Variants in ZNF469 observed in about 807,000 individuals in gnomAD.
The protein encoded by ZNF469 is zinc finger protein 469.
In ZNF469, 1 loss-of-function variant was observed where a neutral mutation model predicts 1.0. That is an observed-to-expected ratio of 1.00 (90% CI 0.35 to 4.73). The LOEUF (loss-of-function observed/expected upper bound fraction) is 4.73. ZNF469 is among the 30% of genes most tolerant of loss of function. The probability of loss-of-function intolerance (pLI) is 0.16; values close to 1 mark genes in which losing one functional copy is unlikely to be tolerated. For missense variants in ZNF469, 6,100 were observed against 5,356.3 expected (o/e 1.14, Z -4.33); for synonymous variants, 2,703 against 2,363.4 (o/e 1.14, Z -4.17).
At chr16:88,222,968 A>C in the ZNF469 span, among the ~76,000 whole-genome samples, 1 of 152,308 alleles carries the variant, frequency 6.6e-6, no homozygotes, top group Non-Finnish European at 1.5e-5. Flanking sequence ...ATGCTAGAGG[A>C]AGTCATCCTG....
chr16:88,351,752 G>A, the ZNF469 span, among the ~76,000 whole-genome samples: 14 of 152,164 alleles, frequency 9.2e-5, no homozygotes, highest in African/African-American at 3.1e-4. Context: ...AGGGTGCAGG[G>A]GGTTGTGCGG....
At chr16:88,204,276 G>A in the ZNF469 span, among the ~76,000 whole-genome samples, 6 of 152,322 alleles carry the variant, frequency 3.9e-5, no homozygotes, top group Admixed American at 1.3e-4. Context: ...TAGAGCAGCC[G>A]GAGGTGCCCC....
intron 1 of ZNF469, among the ~76,000 whole-genome samples, chr16:88,423,047 GGATGGATGGGTAGAT>G (rs1413647172): frequency 6.6e-6 from 1 of 151,232 alleles, no homozygotes; most frequent in South Asian, 2.1e-4. Flanking sequence ...GTAGGTGGGT[GGATGGATGGGTAGAT>G]GATGGATGGG....
the ZNF469 span, among the ~76,000 whole-genome samples, chr16:88,362,721 C>T: frequency 3.9e-5 from 6 of 152,160 alleles, no homozygotes; most frequent in African/African-American, 1.4e-4. Flanking sequence ...CTTCTTGCTT[C>T]TTGTTGACTT....
chr16:88,108,764 G>C, the ZNF469 span, among the ~76,000 whole-genome samples: 1 of 152,190 alleles, frequency 6.6e-6, no homozygotes, highest in Non-Finnish European at 1.5e-5. Context: ...GTCATCATGG[G>C]CACCAATAGC....
the ZNF469 span, among the ~76,000 whole-genome samples, chr16:88,284,610 C>CAAAAA: frequency 9.1e-6 from 1 of 109,508 alleles, no homozygotes; most frequent in Non-Finnish European, 1.8e-5. Flanking sequence ...GATCCCATCT[C>CAAAAA]AAAAAAAAAA....
intron 1 of ZNF469, among the ~76,000 whole-genome samples, chr16:88,406,450 G>A (rs778031637): frequency 5.3e-5 from 8 of 152,190 alleles, no homozygotes; most frequent in South Asian, 2.1e-4. Context: ...CCTCCCTGCC[G>A]TGCGGGCTGC....
chr16:88,241,512 GC>G, the ZNF469 span, among the ~76,000 whole-genome samples: 3 of 152,148 alleles, frequency 2.0e-5, no homozygotes, highest in Admixed American at 6.5e-5. The surrounding 1 kb of genome is among the most constrained non-coding windows in gnomAD (Gnocchi z 4.8). Context: ...TGTCACCAGG[GC>G]CCAGGCGACA....
At chr16:88,139,853 C>G in the ZNF469 span, among the ~76,000 whole-genome samples, 1 of 152,208 alleles carries the variant, frequency 6.6e-6, no homozygotes, top group African/African-American at 2.4e-5. Context: ...ATCCCTAAGA[C>G]GGAAATTCAC....
chr16:88,126,805 C>G, the ZNF469 span, among the ~76,000 whole-genome samples: 1 of 151,422 alleles, frequency 6.6e-6, no homozygotes. Flanking sequence ...AGGCATGCAC[C>G]ACCATACCCC....
chr16:88,249,726 A>G, the ZNF469 span, among the ~76,000 whole-genome samples: 11 of 151,648 alleles, frequency 7.3e-5, no homozygotes, highest in East Asian at 1.9e-4. Flanking sequence ...GTGAGCCACC[A>G]CGCCCGGCCA....
At chr16:88,279,942 G>A in the ZNF469 span, among the ~76,000 whole-genome samples, 25 of 146,450 alleles carry the variant, frequency 1.7e-4, no homozygotes, top group South Asian at 3.7e-3. Context: ...ATCAGTGCAC[G>A]GTTAGTGCTG....
the ZNF469 span, among the ~76,000 whole-genome samples, chr16:88,185,752 CCA>C: frequency 1.3e-4 from 1 of 7,532 alleles, no homozygotes; most frequent in Non-Finnish European, 3.1e-4. Flanking sequence ...ACTCGTGTGC[CCA>C]GACCCACAGA....
At chr16:88,198,866 T>C in the ZNF469 span, among the ~76,000 whole-genome samples, 1 of 152,220 alleles carries the variant, frequency 6.6e-6, no homozygotes, top group African/African-American at 2.4e-5. Flanking sequence ...GACGTGAGCC[T>C]GTGTGTGGCT....
chr16:88,390,640 G>A (rs1014975237), intron 1 of ZNF469, among the ~76,000 whole-genome samples: 4 of 152,174 alleles, frequency 2.6e-5, no homozygotes, highest in Non-Finnish European at 4.4e-5. Flanking sequence ...GCTAACATTC[G>A]GATGCCGCCG....
chr16:88,297,486 G>A, the ZNF469 span, among the ~76,000 whole-genome samples: 46 of 152,300 alleles, frequency 3.0e-4, 1 homozygote, highest in Admixed American at 2.2e-3. Flanking sequence ...GGAGGTGTCC[G>A]GCCTGCCTCA....
the ZNF469 span, among the ~76,000 whole-genome samples, chr16:88,249,960 C>T: frequency 1.3e-4 from 20 of 152,330 alleles, no homozygotes; most frequent in South Asian, 4.1e-3. Flanking sequence ...GGTTCCTTCT[C>T]GACCTCCAGG....
the ZNF469 span, among the ~76,000 whole-genome samples, chr16:88,308,926 C>T: frequency 1.3e-5 from 2 of 152,194 alleles, no homozygotes; most frequent in Non-Finnish European, 1.5e-5. Context: ...TAGCCTGACA[C>T]CCAGGCAATC....
intron 1 of ZNF469, among the ~76,000 whole-genome samples, chr16:88,420,581 A>G (rs980120992): frequency 2.3e-4 from 35 of 152,332 alleles, no homozygotes; most frequent in African/African-American, 7.9e-4. Context: ...GTGGAACGAC[A>G]GGCGCCCTTT....
Sources: allele counts gnomAD v4.1 joint callset (sites outside exome capture counted in the v4.1 genomes callset), GRCh38; gene constraint gnomAD v4.1.1; non-coding constraint Gnocchi (gnomAD v3.1); transcripts MANE v1.5; gene names NCBI Gene and HGNC (gene_info 2026-07-23, HGNC 2026-07-21).